Variants in NCOA6 observed in about 807,000 individuals in gnomAD.
NCOA6 encodes nuclear receptor coactivator 6.
In NCOA6, 49 loss-of-function variants were observed where a neutral mutation model predicts 171.4. The ratio of observed to expected loss-of-function variants is 0.29; its 90% confidence interval spans 0.23 to 0.36. The LOEUF (loss-of-function observed/expected upper bound fraction) is 0.36. Among genes scored for constraint, NCOA6 ranks in the 10% least tolerant of loss-of-function variants. NCOA6 has a pLI of 1.00. For synonymous variants in NCOA6, 910 were observed against 927.5 expected, an observed-to-expected ratio of 0.98 and a Z score of 0.34; for missense variants, 2,248 against 2,554.5, an observed-to-expected ratio of 0.88 and a Z score of 2.59.
intron 14 of NCOA6, among the ~76,000 whole-genome samples, chr20:34,717,852 T>C (rs1417722983): frequency 6.6e-6 from 1 of 152,230 alleles, no homozygotes; most frequent in Non-Finnish European, 1.5e-5. Context: ...AAACATTCAT[T>C]AACTAGGTCA....
At chr20:34,808,682 C>A (rs2078546105) in intron 1 of NCOA6, among the ~76,000 whole-genome samples, 1 of 152,144 alleles carries the variant, frequency 6.6e-6, no homozygotes, top group Non-Finnish European at 1.5e-5. Context: ...AGGTGATCCG[C>A]CTGCCTCGAC....
chr20:34,764,009 A>ATT (rs11471838), intron 5 of NCOA6, among the ~76,000 whole-genome samples: 6,820 of 107,174 alleles, frequency 0.064, 650 homozygotes, highest in African/African-American at 0.18. Flanking sequence ...CACCTTTGAC[A>ATT]TTTTTTTTTT....
rs1344430838 is a variant in NCOA6, at chr20:34,741,104, G to A, written c.5152C>T (p.Leu1718Phe). The change falls in exon 11 of 15, where the codon CTC becomes TTC. Residue 1718 changes from leucine (L) to phenylalanine (F), a missense_variant. By Grantham distance (22) the Leu-to-Phe change is conservative (BLOSUM62 0). Coordinates refer to ENST00000359003, the MANE Select transcript of NCOA6 (RefSeq NM_014071.5). The part of the protein sequence containing the change: ...FSSAPVPPNA[L>F]SSSPAPNIQT... ...ATGTTTGGAGCAGGACTACTGGAGAGGGCATTAGGCGGTACAGGAGCAGAA... is the reference window on the plus strand; with the variant it reads ...ATGTTTGGAGCAGGACTACTGGAGAAGGCATTAGGCGGTACAGGAGCAGAA... The A allele has an allele frequency of 6.2e-7, 1 of 1,614,240 alleles. No individual in the cohort carries two copies. Among genetic ancestry groups the A allele is most frequent in the African/African-American group, 1.3e-5 (1 of 75,064 alleles).
chr20:34,807,305 AAGATGAG>A (rs1231192706), intron 1 of NCOA6, among the ~76,000 whole-genome samples: 1 of 152,182 alleles, frequency 6.6e-6, no homozygotes, highest in African/African-American at 2.4e-5. Flanking sequence ...GCCAAGCGCT[AAGATGAG>A]ACACCAGCCC....
intron 10 of NCOA6, among the ~76,000 whole-genome samples, chr20:34,744,849 T>C (rs914358533): frequency 3.9e-5 from 6 of 152,204 alleles, no homozygotes; most frequent in African/African-American, 1.2e-4. Context: ...CAAAAGCCTG[T>C]TGATGTCAGG....
At chr20:34,722,978 G>C (rs568574816) in intron 14 of NCOA6, among the ~76,000 whole-genome samples, 99 of 152,322 alleles carry the variant, frequency 6.5e-4, no homozygotes, top group African/African-American at 2.1e-3. Context: ...CTGCACTCTG[G>C]CCTGGGCGAC....
At position 34,741,639 on chromosome 20, in the gene NCOA6, A is replaced by C; in HGVS notation, c.4617T>G (p.Ser1539=). The C allele has an allele frequency of 6.2e-7, 1 of 1,614,226 alleles. No homozygotes were observed. Among genetic ancestry groups the C allele is most frequent in the Non-Finnish European group, 8.5e-7 (1 of 1,180,042 alleles). The part of the protein sequence containing the change: ...SVIPTLQDLS[S]SKEPSNSLNL... Reference sequence around the variant, plus strand: ...TTAGGGAATTAGAAGGTTCTTTAGAAGAAGACAGATCCTGCAGTGTGGGAA... The same window carrying C: ...TTAGGGAATTAGAAGGTTCTTTAGACGAAGACAGATCCTGCAGTGTGGGAA... The change falls in exon 11 of 15, where the codon TCT becomes TCG. Residue 1539 remains serine (S), a synonymous_variant. Transcript: ENST00000359003.
intron 2 of NCOA6, among the ~76,000 whole-genome samples, chr20:34,785,876 T>TAA (rs33961774): frequency 1.1e-3 from 147 of 136,204 alleles, no homozygotes; most frequent in African/African-American, 3.7e-3. Flanking sequence ...ACACAGTACT[T>TAA]AAAAAAAAAA....
At chr20:34,785,442 TAA>T (rs765192660) in intron 2 of NCOA6, among the ~76,000 whole-genome samples, 17 of 110,342 alleles carry the variant, frequency 1.5e-4, no homozygotes, top group Admixed American at 2.8e-4. Context: ...TTTTAAAAAT[TAA>T]AAAAAAAAAA....
At chr20:34,781,570 A>G (rs1280790902) in intron 3 of NCOA6, among the ~76,000 whole-genome samples, 2 of 152,190 alleles carry the variant, frequency 1.3e-5, no homozygotes, top group Admixed American at 1.3e-4. Context: ...TTTTCATGCA[A>G]TATAACTCAA....
At chr20:34,764,717 T>C (rs2076923418) in intron 5 of NCOA6, among the ~76,000 whole-genome samples, 1 of 152,000 alleles carries the variant, frequency 6.6e-6, no homozygotes, top group Non-Finnish European at 1.5e-5. Flanking sequence ...TTAAGTTTTG[T>C]AGTTGGAGAG....
chr20:34,741,493 A>G lies in NCOA6; in HGVS notation c.4763T>C (p.Ile1588Thr). Residue 1588 changes from isoleucine (I) to threonine (T), a missense_variant, in exon 11 of 15, where the codon ATT becomes ACT. Ile to Thr is a moderately conservative substitution (Grantham distance 89, BLOSUM62 -1). Around this residue, in one of 7 missense-constraint regions of NCOA6, gnomAD observed 884 missense variants for 941.9 expected, o/e 0.94. Transcript: ENST00000359003. ...TTGATTTGGGGGCAAGGGAGTGGAA[A>G]TGGAGGAAGAGCTAACAGGTCTTGA... Reference protein sequence around the residue: ...VMSRPVSSSSISTPLPPNQIT... With the variant: ...VMSRPVSSSSTSTPLPPNQIT... 1.9e-6 allele frequency: 3 copies of G among 1,614,192 alleles called. No individual in the cohort carries two copies. Among genetic ancestry groups the G allele is most frequent in the Non-Finnish European group, 2.5e-6 (3 of 1,180,034 alleles).
intron 12 of NCOA6, 86 bp from the exon 13 acceptor site, chr20:34,732,681 A>G: frequency 8.5e-7 from 1 of 1,175,166 alleles, no homozygotes; most frequent in South Asian, 1.3e-5. Context: ...TCTATGCCCT[A>G]TTTAGGCTAA....
At chr20:34,814,016 G>T (rs192637052) in intron 1 of NCOA6, among the ~76,000 whole-genome samples, 125 of 152,256 alleles carry the variant, frequency 8.2e-4, no homozygotes, top group South Asian at 2.1e-3. Flanking sequence ...ATAAAAAGAT[G>T]TAACAGCGCT....
chr20:34,778,006 C>T lies in NCOA6; in HGVS notation c.236-1558G>A, dbSNP rs542834520. On this transcript the variant is annotated intron_variant, in intron 3 of 14. Coordinates refer to ENST00000359003, the MANE Select transcript of NCOA6 (RefSeq NM_014071.5). The stretch of plus-strand genomic sequence containing the variant: ...CACTGCAACCTCCGCCTCCCAGGTT[C>T]GAGCAATTCTCCTGCCTCAGCATCC... 9.9e-5 allele frequency among the ~76,000 whole-genome samples: 15 copies of T among 152,206 alleles called. No homozygotes were observed. In the East Asian group the frequency reaches 2.5e-3, roughly 26 times the overall value.
intron 1 of NCOA6, among the ~76,000 whole-genome samples, chr20:34,793,924 T>C (rs560626105): frequency 6.6e-6 from 1 of 152,068 alleles, no homozygotes; most frequent in Admixed American, 6.5e-5. Context: ...GAAAAAGAAA[T>C]ACAAACGAAC....
intron 2 of NCOA6, among the ~76,000 whole-genome samples, chr20:34,789,679 G>A (rs1210887314): frequency 1.3e-5 from 2 of 152,100 alleles, no homozygotes; most frequent in African/African-American, 2.4e-5. Flanking sequence ...AGGCTGAGGT[G>A]AAACAATCCC....
chr20:34,739,739 C>A (rs1399973466), intron 11 of NCOA6, among the ~76,000 whole-genome samples: 1 of 152,192 alleles, frequency 6.6e-6, no homozygotes, highest in East Asian at 1.9e-4. Context: ...TTAAGAATAT[C>A]TGACATAGTT....
Position 34,715,223 on chromosome 20 carries a change from A to T in NCOA6, c.*99T>A. On this transcript the variant is annotated 3_prime_UTR_variant, in exon 15 of 15. Coordinates refer to ENST00000359003, the MANE Select transcript of NCOA6 (RefSeq NM_014071.5). ...GGAAAAGGGCCACATTATTAAAATTACTAACTGTACAGAAATTGATTTAAA... is the reference window on the plus strand; with the variant it reads ...GGAAAAGGGCCACATTATTAAAATTTCTAACTGTACAGAAATTGATTTAAA... The T allele has an allele frequency of 6.7e-7, 1 of 1,501,422 alleles. No homozygotes were observed. The highest frequency in any genetic ancestry group is 9.2e-7 in the Non-Finnish European group (1 of 1,082,850). The allele number at this position is 1,501,422 out of a possible 1,614,324, so 93.0% of individuals were successfully genotyped here.
Sources: gnomAD v4.1 joint callset for allele counts (sites outside exome capture counted in the v4.1 genomes callset) on GRCh38, gnomAD v4.1.1 for gene constraint, gnomAD v4.1.1 regional missense constraint, MANE v1.5 for transcripts, NCBI Gene and HGNC (gene_info 2026-07-23, HGNC 2026-07-21) for gene names.